Variants in SPECC1 observed in about 807,000 individuals in gnomAD.
SPECC1 encodes sperm antigen with calponin homology and coiled-coil domains 1, also known as cytospin-B.
In SPECC1, 62 loss-of-function variants were observed where a neutral mutation model predicts 104.1. The ratio of observed to expected loss-of-function variants is 0.60; its 90% CI spans 0.49 to 0.74. The LOEUF (loss-of-function observed/expected upper bound fraction) is 0.74, where lower values mean the gene tolerates loss of function less well. Ranked by LOEUF, SPECC1 falls within the 30% of genes least tolerant of loss-of-function variation. The pLI is 0.00. For synonymous variants in SPECC1, 513 were observed against 501.6 expected, an observed-to-expected ratio of 1.02 and a Z score of -0.30; for missense variants, 1,306 against 1,310.5, an observed-to-expected ratio of 1.00 and a Z score of 0.05.
At chr17:20,090,463 C>T (rs1354864097) in intron 1 of SPECC1, among the ~76,000 whole-genome samples, 1 of 152,180 alleles carries the variant, frequency 6.6e-6, no homozygotes, top group African/African-American at 2.4e-5. Flanking sequence ...TGTGCAAAGG[C>T]CCGGAGCCAG....
At position 20,169,760 on chromosome 17, in the gene SPECC1, C is replaced by A. The variant is rs1597871674; in HGVS notation, c.284-34573C>A. On this transcript the variant is annotated intron_variant, in intron 3 of 14. Transcript: ENST00000395527. The stretch of plus-strand genomic sequence containing the variant: ...TCAAGGGATCCTCCTGCCCTGGCCT[C>A]CCAAAATGCTGGTGTAACAGGCATG... 3.3e-5 allele frequency among the ~76,000 whole-genome samples: 5 copies of A among 152,258 alleles called. No homozygotes were observed. In the East Asian group the frequency reaches 9.7e-4, roughly 29 times the overall value.
intron 4 of SPECC1, among the ~76,000 whole-genome samples, chr17:20,221,194 A>G (rs1468723220): frequency 1.3e-5 from 2 of 152,104 alleles, no homozygotes; most frequent in Non-Finnish European, 2.9e-5. Context: ...TGGTTTGGAA[A>G]CATTCCCTTC....
chr17:20,311,134 ATG>A (rs2041919917), intron 14 of SPECC1, among the ~76,000 whole-genome samples: 1 of 145,044 alleles, frequency 6.9e-6, no homozygotes, highest in East Asian at 2.0e-4. Flanking sequence ...GCTATTGTAA[ATG>A]TTATTGTTTT....
At chr17:20,300,279 G>C (rs1475614939) in intron 13 of SPECC1, among the ~76,000 whole-genome samples, 1 of 152,188 alleles carries the variant, frequency 6.6e-6, no homozygotes, top group Non-Finnish European at 1.5e-5. Context: ...GAGGTGGCCT[G>C]AGCTGGGGCC....
intron 12 of SPECC1, among the ~76,000 whole-genome samples, chr17:20,263,460 T>C (rs1055563047): frequency 1.3e-5 from 2 of 151,018 alleles, no homozygotes; most frequent in African/African-American, 2.4e-5. Context: ...ATGGCACATA[T>C]ATACATATGT....
chr17:20,291,984 C>G (rs1212482845), intron 12 of SPECC1, among the ~76,000 whole-genome samples: 1 of 151,194 alleles, frequency 6.6e-6, no homozygotes, highest in Non-Finnish European at 1.5e-5. Context: ...AGGGCAAGCA[C>G]TTGCCTTGTG....
At chr17:20,119,011 C>A (rs1425224014) in intron 3 of SPECC1, among the ~76,000 whole-genome samples, 5 of 152,176 alleles carry the variant, frequency 3.3e-5, no homozygotes, top group Admixed American at 6.5e-5. Context: ...GGGGCATTGG[C>A]ATCCTTTATT....
intron 4 of SPECC1, among the ~76,000 whole-genome samples, chr17:20,208,082 T>G (rs768967349): frequency 1.3e-5 from 2 of 152,188 alleles, no homozygotes; most frequent in Admixed American, 1.3e-4. Context: ...TAAATGTAAT[T>G]TAAAGGAAAG....
At chr17:20,275,458 G>A (rs914845243) in intron 12 of SPECC1, among the ~76,000 whole-genome samples, 2 of 152,162 alleles carry the variant, frequency 1.3e-5, no homozygotes, top group African/African-American at 4.8e-5. Flanking sequence ...ACCTTCTGTA[G>A]TAGGATTAAT....
intron 1 of SPECC1, among the ~76,000 whole-genome samples, chr17:20,023,723 A>G (rs2044488622): frequency 6.6e-6 from 1 of 152,190 alleles, no homozygotes; most frequent in Admixed American, 6.5e-5. Flanking sequence ...GACTCTGAAT[A>G]AAAAATCCAC....
chr17:20,100,838 C>T (rs949407954), intron 2 of SPECC1, among the ~76,000 whole-genome samples: 1 of 152,036 alleles, frequency 6.6e-6, no homozygotes, highest in African/African-American at 2.4e-5. Flanking sequence ...CCAACAGACC[C>T]GGGTGTGTGA....
chr17:20,227,373 TTTG>T, intron 4 of SPECC1, 37 bp from the exon 5 acceptor site: 1 of 1,581,694 alleles, frequency 6.3e-7, no homozygotes. Flanking sequence ...TGGGAATTTT[TTTG>T]TTGTTAACTG....
chr17:20,299,391 C>T (rs909590230), intron 13 of SPECC1, among the ~76,000 whole-genome samples: 7 of 148,636 alleles, frequency 4.7e-5, no homozygotes, highest in African/African-American at 1.8e-4. Flanking sequence ...TCCATTTCTA[C>T]AAAAAAAATT....
chr17:20,237,188 CTT>C, intron 7 of SPECC1: 1 of 1,304,380 alleles, frequency 7.7e-7, no homozygotes, highest in East Asian at 3.2e-5. Flanking sequence ...AAGTACAAGT[CTT>C]ATGAAAAGTT....
At chr17:20,048,433 G>A (rs1182959836) in intron 1 of SPECC1, among the ~76,000 whole-genome samples, 2 of 151,472 alleles carry the variant, frequency 1.3e-5, no homozygotes, top group Non-Finnish European at 2.9e-5. Flanking sequence ...GCGCCCAGCC[G>A]AGAAGTGAGT....
At chr17:20,160,434 C>CA (rs2033033167) in intron 3 of SPECC1, among the ~76,000 whole-genome samples, 1 of 152,114 alleles carries the variant, frequency 6.6e-6, no homozygotes, top group Non-Finnish European at 1.5e-5. Flanking sequence ...TGGCCAGACT[C>CA]AGTCACAGAG....
In SPECC1 at chr17:20,232,350, G is replaced by A. The variant is rs1339460130; in HGVS notation, c.2296G>A (p.Glu766Lys). Residue 766 changes from glutamate (E) to lysine (K), a missense_variant, in exon 7 of 15, where the codon GAG (glutamate) becomes AAG (lysine). Around this residue, in one of 2 missense-constraint regions of SPECC1, gnomAD observed 1,177 missense variants for 1,139.9 expected, o/e 1.03. Transcript: ENST00000395527. ...EEEKNARLQK[E>K]LGDVQGHGRV... ...GGAGAAGAATGCCCGGTTGCAGAAG[G>A]AGCTGGGGGATGTGCAGGGCCACGG... 3 of 1,613,990 alleles carry A rather than the reference G, an allele frequency of 1.9e-6. No individual in the cohort carries two copies. Among genetic ancestry groups the A allele is most frequent in the Non-Finnish European group, 2.5e-6 (3 of 1,179,948 alleles).
At chr17:20,116,339 T>C (rs1454193950) in intron 3 of SPECC1, among the ~76,000 whole-genome samples, 2 of 152,128 alleles carry the variant, frequency 1.3e-5, no homozygotes, top group Non-Finnish European at 2.9e-5. Context: ...CCACCCACCT[T>C]GGCCTCCCAA....
rs545236454 is a variant in SPECC1, at chr17:20,246,703, A to G, written c.2498-516A>G. ...TATACTGTACACATAAACATAGCAA[A>G]TAGAAGAAACAGAATGTGCATCTGT... is the stretch of plus-strand genomic sequence containing the variant. On this transcript the variant is annotated intron_variant, in intron 8 of 14. Transcript: ENST00000395527. Among the ~76,000 whole-genome samples the G allele has an allele frequency of 3.3e-5, 5 of 152,330 alleles. No homozygotes were observed. The South Asian group carries it at 1.0e-3, about 32-fold the overall frequency.
Sources: allele counts gnomAD v4.1 joint callset (sites outside exome capture counted in the v4.1 genomes callset), GRCh38; gene constraint gnomAD v4.1.1; regional missense constraint gnomAD v4.1.1; transcripts MANE v1.5; gene names NCBI Gene and HGNC (gene_info 2026-07-23, HGNC 2026-07-21).